C10orf90: variants seen among roughly 807,000 people sequenced by gnomAD.
C10orf90 encodes (E2-independent) E3 ubiquitin-conjugating enzyme FATS.
A neutral mutation model predicts 62.5 loss-of-function variants in C10orf90; 56 were observed. The ratio of observed to expected loss-of-function variants is 0.90; its 90% CI spans 0.72 to 1.12. The LOEUF (loss-of-function observed/expected upper bound fraction) is 1.12, where lower values mean the gene tolerates loss of function less well. C10orf90 is among the 50% of genes most tolerant of loss of function. The pLI is 0.00. For missense variants in C10orf90, 970 were observed against 880.4 expected, an observed-to-expected ratio of 1.10 and a Z score of -1.29; for synonymous variants, 386 against 340.4, an observed-to-expected ratio of 1.13 and a Z score of -1.47.
At chr10:126,497,296 G>A (rs1351351795) in intron 4 of C10orf90, among the ~76,000 whole-genome samples, 1 of 152,144 alleles carries the variant, frequency 6.6e-6, no homozygotes, top group Admixed American at 6.5e-5. Context: ...GGATGGTATT[G>A]GTCAGAAAAG....
intron 2 of C10orf90, among the ~76,000 whole-genome samples, chr10:126,526,023 AACAC>A (rs3040780): frequency 0.15 from 21,446 of 138,862 alleles, 1,702 homozygotes; most frequent in South Asian, 0.28. Flanking sequence ...CACCTGCCAC[AACAC>A]ACACACACAC....
At chr10:126,574,405 AT>A (rs1259650444) in intron 2 of C10orf90, among the ~76,000 whole-genome samples, 1 of 152,174 alleles carries the variant, frequency 6.6e-6, no homozygotes, top group Non-Finnish European at 1.5e-5. Flanking sequence ...ACATGAAAAT[AT>A]GTTTGACCTC....
At chr10:126,583,232 G>A (rs1346940137) in intron 2 of C10orf90, among the ~76,000 whole-genome samples, 1 of 152,224 alleles carries the variant, frequency 6.6e-6, no homozygotes, top group Non-Finnish European at 1.5e-5. Context: ...ACTTTGGTGT[G>A]TATGTGCACA....
intron 1 of C10orf90, among the ~76,000 whole-genome samples, chr10:126,658,603 T>C (rs1038713757): frequency 6.6e-6 from 1 of 152,214 alleles, no homozygotes; most frequent in Non-Finnish European, 1.5e-5. Flanking sequence ...ACAGTAAAAT[T>C]TGTGATAATA....
chr10:126,463,022 C>T (rs1427229952), intron 5 of C10orf90, among the ~76,000 whole-genome samples: 1 of 151,850 alleles, frequency 6.6e-6, no homozygotes, highest in Non-Finnish European at 1.5e-5. Context: ...CCCCACCCAC[C>T]CCCCGTCTCC....
At chr10:126,538,888 A>T (rs1864308308) in intron 2 of C10orf90, among the ~76,000 whole-genome samples, 1 of 152,232 alleles carries the variant, frequency 6.6e-6, no homozygotes, top group Admixed American at 6.5e-5. Flanking sequence ...TAACCAGGCC[A>T]GGGAAACCCC....
chr10:126,467,245 GA>G (rs954386489), intron 4 of C10orf90, among the ~76,000 whole-genome samples: 3 of 152,180 alleles, frequency 2.0e-5, no homozygotes, highest in Non-Finnish European at 4.4e-5. Flanking sequence ...AGAGAAAATA[GA>G]AGGTGCTTAG....
At chr10:126,562,857 C>G (rs1265858695) in intron 2 of C10orf90, among the ~76,000 whole-genome samples, 2 of 152,234 alleles carry the variant, frequency 1.3e-5, no homozygotes, top group African/African-American at 4.8e-5. Context: ...CATCTGCCAA[C>G]CTGAGGCTGC....
At chr10:126,569,084 G>A (rs902583723) in intron 2 of C10orf90, among the ~76,000 whole-genome samples, 1 of 152,138 alleles carries the variant, frequency 6.6e-6, no homozygotes, top group Non-Finnish European at 1.5e-5. Context: ...ATGCAAGTCA[G>A]GCTCTTCAAG....
In C10orf90 at chr10:126,572,016, C is replaced by T. The variant is rs188752429; in HGVS notation, c.314-58077G>A. On this transcript the variant is annotated intron_variant, in intron 2 of 9. Transcript: ENST00000488181. ...CCTGGTCCGGCATCGATGCTTAGTA[C>T]ATTTGTCAGAGGCATTTGAACCACA... 3.7e-3 allele frequency among the ~76,000 whole-genome samples: 562 copies of T among 152,226 alleles called. 3 individuals carry two copies. The highest frequency in any genetic ancestry group is 4.7e-3 in the Non-Finnish European group (322 of 68,012).
chr10:126,623,310 C>A (rs1282004759), intron 2 of C10orf90, among the ~76,000 whole-genome samples: 1 of 152,184 alleles, frequency 6.6e-6, no homozygotes, highest in African/African-American at 2.4e-5. Context: ...TATTCTCAAA[C>A]CCTCCATACA....
intron 2 of C10orf90, among the ~76,000 whole-genome samples, chr10:126,640,187 G>T (rs925433654): frequency 2.2e-4 from 34 of 152,340 alleles, no homozygotes; most frequent in Admixed American, 2.2e-3. Context: ...GTGAATGCTA[G>T]CTGAAGTAAA....
intron 7 of C10orf90, among the ~76,000 whole-genome samples, chr10:126,450,246 A>G (rs1263673302): frequency 6.6e-6 from 1 of 152,222 alleles, no homozygotes; most frequent in Non-Finnish European, 1.5e-5. Context: ...AGATTTGCAG[A>G]ATATTGTTAA....
intron 1 of C10orf90, among the ~76,000 whole-genome samples, chr10:126,655,399 T>C (rs1245387579): frequency 6.6e-6 from 1 of 152,140 alleles, no homozygotes; most frequent in Non-Finnish European, 1.5e-5. Flanking sequence ...GTTTGAAATA[T>C]TGTGAGAATT....
chr10:126,551,098 G>A (rs1183330654), intron 2 of C10orf90, among the ~76,000 whole-genome samples: 1 of 152,224 alleles, frequency 6.6e-6, no homozygotes, highest in Admixed American at 6.5e-5. Context: ...CTTAGAGCTG[G>A]TAGTCCTGGA....
Position 126,456,841 on chromosome 10 carries a change from C to CCAGGAG in C10orf90, c.2188+2193_2188+2198dup, listed in dbSNP as rs1398486528. ...GAACATCAAGGATTGCAGGAAGCCG[C>CCAGGAG]CAGGAGCAGGGAGGGAGGCTGGACA... On this transcript the variant is annotated intron_variant, in intron 7 of 9. Transcript: ENST00000488181. The surrounding 1 kb of genome is among the most constrained non-coding windows in gnomAD (Gnocchi z 4.9). Among the ~76,000 whole-genome samples the CCAGGAG allele has an allele frequency of 6.6e-6, 1 of 152,250 alleles. No homozygotes were observed.
intron 7 of C10orf90, among the ~76,000 whole-genome samples, chr10:126,435,066 CT>C (rs1857831728): frequency 6.6e-6 from 1 of 152,222 alleles, no homozygotes; most frequent in African/African-American, 2.4e-5. Flanking sequence ...TTCTAGCCAT[CT>C]GTGGAATCCC....
intron 2 of C10orf90, among the ~76,000 whole-genome samples, chr10:126,558,847 G>GCCCA (rs1200533546): frequency 6.6e-6 from 1 of 152,210 alleles, no homozygotes. Flanking sequence ...GATCCCCAGG[G>GCCCA]CCCAGCTCAG....
intron 4 of C10orf90, among the ~76,000 whole-genome samples, chr10:126,472,941 G>A (rs555536857): frequency 1.3e-5 from 2 of 152,216 alleles, no homozygotes; most frequent in East Asian, 3.9e-4. Context: ...GCATTCCAGG[G>A]AAGGAGGAAA....
Sources: gnomAD v4.1 joint callset for allele counts (sites outside exome capture counted in the v4.1 genomes callset) on GRCh38, gnomAD v4.1.1 for gene constraint, Gnocchi (gnomAD v3.1) non-coding constraint, MANE v1.5 for transcripts, NCBI Gene and HGNC (gene_info 2026-07-23, HGNC 2026-07-21) for gene names.